ARHGAP15: variants seen among roughly 807,000 people sequenced by gnomAD.
The protein encoded by ARHGAP15 is Rho GTPase activating protein 15, also known as rho GTPase-activating protein 15.
A neutral mutation model predicts 63.7 loss-of-function variants in ARHGAP15; 51 were observed. The observed-to-expected ratio is 0.80, with a 90% CI of 0.64 to 1.01. The LOEUF (loss-of-function observed/expected upper bound fraction) is 1.01. Among genes scored for constraint, ARHGAP15 ranks in the 50% least tolerant of loss-of-function variants. The pLI is 0.00. For synonymous variants in ARHGAP15, 191 were observed against 193.8 expected (o/e 0.99, Z 0.12); for missense variants, 560 against 564.6 (o/e 0.99, Z 0.08).
chr2:143,704,746 T>C (rs948880314), intron 13 of ARHGAP15, among the ~76,000 whole-genome samples: 1 of 152,224 alleles, frequency 6.6e-6, no homozygotes. Context: ...GTTTTGCTTT[T>C]GTGAGATTAA....
intron 2 of ARHGAP15, chr2:143,162,340 AC>A (rs1690329749): frequency 6.6e-6 from 1 of 151,984 alleles, no homozygotes. Flanking sequence ...CCTTGAACTT[AC>A]CAGAAAAGTG....
chr2:143,375,698 A>G (rs1027615634), intron 6 of ARHGAP15, among the ~76,000 whole-genome samples: 3 of 152,208 alleles, frequency 2.0e-5, no homozygotes, highest in Admixed American at 6.6e-5. Context: ...GATATTGCAT[A>G]ACTTGAAGAT....
chr2:143,436,625 C>T (rs748300300), intron 7 of ARHGAP15, among the ~76,000 whole-genome samples: 1 of 152,014 alleles, frequency 6.6e-6, no homozygotes, highest in Non-Finnish European at 1.5e-5. Context: ...CTATTTTGGC[C>T]TCATTTTCTT....
At chr2:143,677,664 TTTA>T (rs1351196628) in intron 12 of ARHGAP15, among the ~76,000 whole-genome samples, 41 of 152,304 alleles carry the variant, frequency 2.7e-4, no homozygotes, top group African/African-American at 9.6e-4. Context: ...AACCTTTGTA[TTTA>T]ATGGAACCAC....
chr2:143,298,539 G>C (rs1312245340), intron 6 of ARHGAP15, among the ~76,000 whole-genome samples: 1 of 151,834 alleles, frequency 6.6e-6, no homozygotes, highest in Non-Finnish European at 1.5e-5. Context: ...AGGACGTGTT[G>C]GTACTTTTCA....
rs573531212 is a variant in ARHGAP15 at position 143,760,456 on chromosome 2, T to A, written c.1245-7533T>A. Among the ~76,000 whole-genome samples, 613 of 152,252 alleles carry A rather than the reference T, an allele frequency of 4.0e-3. 3 individuals are homozygous for A. The highest frequency in any genetic ancestry group is 0.012 in the African/African-American group (511 of 41,550). ...TCACCTTACAGAACATATATTCTAATAAGAAATAAATTATAAATTGAAGCC... is the reference window on the plus strand; with the variant it reads ...TCACCTTACAGAACATATATTCTAAAAAGAAATAAATTATAAATTGAAGCC... On this transcript the variant is annotated intron_variant, in intron 13 of 13. Transcript: ENST00000295095.
chr2:143,456,089 C>G (rs1183454456), intron 8 of ARHGAP15, among the ~76,000 whole-genome samples: 1 of 152,068 alleles, frequency 6.6e-6, no homozygotes, highest in Admixed American at 6.6e-5. Context: ...GAGCCAGAAG[C>G]CTCAGCTTAA....
intron 13 of ARHGAP15, among the ~76,000 whole-genome samples, chr2:143,756,303 A>T (rs1240112644): frequency 6.6e-6 from 1 of 152,226 alleles, no homozygotes; most frequent in East Asian, 1.9e-4. Context: ...TAGGTGCATT[A>T]TTCTGCTTGG....
chr2:143,552,396 C>T (rs1695603617), intron 10 of ARHGAP15, among the ~76,000 whole-genome samples: 1 of 152,138 alleles, frequency 6.6e-6, no homozygotes, highest in African/African-American at 2.4e-5. Context: ...GGCAGATAAG[C>T]CAGTCAAATC....
At chr2:143,483,238 C>T (rs1692156909) in intron 8 of ARHGAP15, among the ~76,000 whole-genome samples, 1 of 152,150 alleles carries the variant, frequency 6.6e-6, no homozygotes, top group Non-Finnish European at 1.5e-5. Context: ...AGAATACTAT[C>T]ACCAGAATAC....
intron 6 of ARHGAP15, among the ~76,000 whole-genome samples, chr2:143,417,614 A>AG (rs1444012619): frequency 6.6e-6 from 1 of 152,182 alleles, no homozygotes; most frequent in Non-Finnish European, 1.5e-5. Context: ...AAGTAGTGAA[A>AG]TGACTTGTGC....
At chr2:143,350,298 G>A (rs1685500207) in intron 6 of ARHGAP15, among the ~76,000 whole-genome samples, 7 of 152,038 alleles carry the variant, frequency 4.6e-5, no homozygotes, top group Admixed American at 4.6e-4. Flanking sequence ...AATGACCAGG[G>A]ATTTTTATCA....
At chr2:143,537,219 G>T (rs548606861) in intron 10 of ARHGAP15, among the ~76,000 whole-genome samples, 47,431 of 151,610 alleles carry the variant, frequency 0.31, 7,963 homozygotes, top group East Asian at 0.42. Flanking sequence ...ACTTTTTGAC[G>T]AGGTTGTTTG....
intron 6 of ARHGAP15, among the ~76,000 whole-genome samples, chr2:143,297,683 G>A (rs1191785281): frequency 1.3e-5 from 2 of 151,840 alleles, no homozygotes; most frequent in Non-Finnish European, 2.9e-5. Context: ...AAGCACTATA[G>A]GAAAATTAAA....
At chr2:143,312,599 C>T (rs1683502388) in intron 6 of ARHGAP15, among the ~76,000 whole-genome samples, 1 of 152,160 alleles carries the variant, frequency 6.6e-6, no homozygotes, top group Admixed American at 6.6e-5. Context: ...AATCCCAGCA[C>T]AGTTCTACAA....
At chr2:143,642,794 G>C (rs1290092976) in intron 12 of ARHGAP15, among the ~76,000 whole-genome samples, 1 of 152,114 alleles carries the variant, frequency 6.6e-6, no homozygotes, top group Non-Finnish European at 1.5e-5. Flanking sequence ...AGTTTGGAGA[G>C]CCAGCCAGGG....
At chr2:143,598,798 T>C (rs987953902) in intron 11 of ARHGAP15, among the ~76,000 whole-genome samples, 3 of 152,060 alleles carry the variant, frequency 2.0e-5, no homozygotes, top group South Asian at 2.1e-4. Flanking sequence ...ACGCCTTCAG[T>C]CCCAGCTACT....
At chr2:143,650,949 A>G (rs768148213) in intron 12 of ARHGAP15, among the ~76,000 whole-genome samples, 15 of 151,874 alleles carry the variant, frequency 9.9e-5, no homozygotes, top group East Asian at 1.9e-4. Flanking sequence ...CTAAAGTTAC[A>G]TTCCCATGTT....
chr2:143,478,106 G>A (rs761716805), intron 8 of ARHGAP15, among the ~76,000 whole-genome samples: 6 of 152,192 alleles, frequency 3.9e-5, no homozygotes, highest in Admixed American at 3.9e-4. Context: ...TTGTCTTGCT[G>A]CATAGAGCAA....
Sources: allele counts gnomAD v4.1 joint callset (sites outside exome capture counted in the v4.1 genomes callset), GRCh38; gene constraint gnomAD v4.1.1; transcripts MANE v1.5; gene names NCBI Gene and HGNC (gene_info 2026-07-23, HGNC 2026-07-21).